Variants in MED12L observed in about 807,000 individuals in gnomAD.
MED12L encodes the protein mediator of RNA polymerase II transcription subunit 12-like protein.
A neutral mutation model predicts 281.3 loss-of-function variants in MED12L; 60 were observed. That is an observed-to-expected ratio of 0.21 (90% CI 0.17 to 0.26). The LOEUF is 0.26. MED12L is among the 10% of genes least tolerant of loss of function. The pLI, the probability that MED12L is intolerant of heterozygous loss-of-function variation, is 1.00. For missense variants in MED12L, 2,146 were observed against 2,680.9 expected (o/e 0.80, Z 4.41); for synonymous variants, 974 against 987.2 (o/e 0.99, Z 0.25).
intron 16 of MED12L, among the ~76,000 whole-genome samples, chr3:151,196,356 ACTGT>A (rs1380852992): frequency 3.3e-5 from 5 of 152,200 alleles, no homozygotes; most frequent in African/African-American, 1.2e-4. Flanking sequence ...TAGGAATGCT[ACTGT>A]CTGTTTTTTT....
intron 16 of MED12L, chr3:151,248,932 G>A (rs1459880282): frequency 2.0e-5 from 3 of 152,184 alleles, no homozygotes; most frequent in Non-Finnish European, 4.4e-5. Context: ...AGCATTTGAT[G>A]TTGAGGGAAA....
chr3:151,161,167 GA>G (rs1719934323), intron 8 of MED12L, among the ~76,000 whole-genome samples: 1 of 152,224 alleles, frequency 6.6e-6, no homozygotes, highest in East Asian at 1.9e-4. Flanking sequence ...AGATTGGTGG[GA>G]GTGGGGAGGT....
chr3:151,340,408 G>A (rs544994126), intron 16 of MED12L, among the ~76,000 whole-genome samples: 10 of 152,072 alleles, frequency 6.6e-5, no homozygotes, highest in African/African-American at 2.2e-4. Context: ...TTAATAAAGA[G>A]GCTAATTAAC....
intron 16 of MED12L, among the ~76,000 whole-genome samples, chr3:151,215,587 C>T (rs1401382698): frequency 6.6e-6 from 1 of 152,112 alleles, no homozygotes; most frequent in Non-Finnish European, 1.5e-5. Context: ...GTTTAGGAAT[C>T]CTGTATATTC....
Position 151,357,115 on chromosome 3 carries a change from A to G in MED12L, c.2662-98A>G, listed in dbSNP as rs923312545. ...AGTTAAATTTAGGGAATGTATTTGTAGTGTAATGACTCAGTATATCTATGG... is the reference window on the plus strand; with the variant it reads ...AGTTAAATTTAGGGAATGTATTTGTGGTGTAATGACTCAGTATATCTATGG... On this transcript the variant is annotated intron_variant, in intron 19 of 44. Transcript: ENST00000687756. The G allele has an allele frequency of 3.7e-5, 36 of 974,036 alleles. No homozygotes were observed. In the African/African-American group the frequency reaches 6.0e-4, roughly 16 times the overall value. 60.3% of individuals were successfully genotyped at this position (974,036 alleles called of 1,614,324 possible).
At chr3:151,094,510 G>C (rs1217342484) in intron 2 of MED12L, among the ~76,000 whole-genome samples, 2 of 152,196 alleles carry the variant, frequency 1.3e-5, no homozygotes, top group African/African-American at 4.8e-5. Flanking sequence ...CAAAAAGGGA[G>C]CATGGAAACA....
intron 2 of MED12L, among the ~76,000 whole-genome samples, chr3:151,106,466 GC>G (rs1722085042): frequency 6.6e-6 from 1 of 151,516 alleles, no homozygotes; most frequent in Non-Finnish European, 1.5e-5. Flanking sequence ...GAGCCACCAT[GC>G]CCCGCCTGAT....
At chr3:151,376,749 T>C (rs1192606717) in intron 28 of MED12L, 51 bp from the exon 29 acceptor site, 12 of 1,441,408 alleles carry the variant, frequency 8.3e-6, no homozygotes, top group Admixed American at 6.8e-5. Flanking sequence ...AATTACTGTA[T>C]TTTAACACAT....
intron 43 of MED12L, among the ~76,000 whole-genome samples, chr3:151,417,030 A>C (rs139018286): frequency 6.6e-6 from 1 of 152,150 alleles, no homozygotes; most frequent in Non-Finnish European, 1.5e-5. Context: ...CTGTCATCTT[A>C]TTATATTTGC....
At chr3:151,180,602 C>T (rs1576902858) in intron 11 of MED12L, among the ~76,000 whole-genome samples, 3 of 152,202 alleles carry the variant, frequency 2.0e-5, no homozygotes, top group Admixed American at 2.0e-4. Context: ...TCCCAAACCC[C>T]AGTGGTGACA....
chr3:151,157,780 G>A (rs1484443663), intron 6 of MED12L, among the ~76,000 whole-genome samples: 1 of 152,076 alleles, frequency 6.6e-6, no homozygotes, highest in African/African-American at 2.4e-5. Context: ...CCATTGCAGT[G>A]GAACACTGGT....
chr3:151,214,370 A>G, intron 16 of MED12L: 2 of 1,460,224 alleles, frequency 1.4e-6, no homozygotes, highest in Non-Finnish European at 1.9e-6. Flanking sequence ...GGTCACTCAT[A>G]GGGCACTTAT....
intron 16 of MED12L, among the ~76,000 whole-genome samples, chr3:151,238,591 A>G (rs1040178882): frequency 3.3e-5 from 5 of 152,250 alleles, no homozygotes; most frequent in Non-Finnish European, 7.3e-5. Context: ...CTGATGGTGC[A>G]AAAGCCATGA....
chr3:151,247,772 A>G (rs137943076), intron 16 of MED12L, among the ~76,000 whole-genome samples: 1 of 76,262 alleles, frequency 1.3e-5, no homozygotes, highest in Non-Finnish European at 3.1e-5. Context: ...AAAAAAAAAA[A>G]GCAAAAAAAA....
At chr3:151,165,300 A>G (rs1402077905) in intron 9 of MED12L, 120 bp from the exon 10 acceptor site, 1 of 517,094 alleles carries the variant, frequency 1.9e-6, no homozygotes, top group Non-Finnish European at 3.3e-6. Flanking sequence ...CATTTCTTAC[A>G]ATGCAGTCAA....
intron 5 of MED12L, among the ~76,000 whole-genome samples, chr3:151,129,329 C>T (rs921075105): frequency 6.6e-6 from 1 of 152,070 alleles, no homozygotes; most frequent in Non-Finnish European, 1.5e-5. Flanking sequence ...CAGCATCATC[C>T]TATACGTGTT....
intron 27 of MED12L, among the ~76,000 whole-genome samples, chr3:151,374,233 T>A (rs575171480): frequency 1.3e-5 from 2 of 152,126 alleles, no homozygotes; most frequent in African/African-American, 4.8e-5. Flanking sequence ...AAAAAATGAT[T>A]AATTAAAATA....
chr3:151,199,142 A>C (rs1725139845), intron 16 of MED12L: 1 of 1,614,046 alleles, frequency 6.2e-7, no homozygotes, highest in Admixed American at 1.7e-5. Flanking sequence ...GAATATCTTC[A>C]GCTTCCAAGG....
intron 16 of MED12L, among the ~76,000 whole-genome samples, chr3:151,240,648 T>C (rs1025440731): frequency 6.6e-6 from 1 of 152,270 alleles, no homozygotes; most frequent in Non-Finnish European, 1.5e-5. Context: ...GCAAGATTGC[T>C]TCTATGAAAA....
Sources: allele counts gnomAD v4.1 joint callset (sites outside exome capture counted in the v4.1 genomes callset), GRCh38; gene constraint gnomAD v4.1.1; transcripts MANE v1.5; gene names NCBI Gene and HGNC (gene_info 2026-07-23, HGNC 2026-07-21).